Variants in INPP5F observed in about 807,000 individuals in gnomAD.
INPP5F encodes the protein phosphatidylinositide 4-phosphatase SAC2.
INPP5F carries 97 observed loss-of-function variants against 137.2 expected under a neutral mutation model. That is an observed-to-expected ratio of 0.71 (90% CI 0.60 to 0.84). INPP5F has a LOEUF of 0.84. INPP5F is among the 40% of genes least tolerant of loss of function. The pLI, the probability that INPP5F is intolerant of heterozygous loss-of-function variation, is 0.00. For missense variants in INPP5F, 1,271 were observed against 1,371.9 expected (o/e 0.93, Z 1.16); for synonymous variants, 504 against 476.9 (o/e 1.06, Z -0.74).
chr10:119,769,973 AT>A (rs1045959806), intron 2 of INPP5F, among the ~76,000 whole-genome samples: 5 of 150,506 alleles, frequency 3.3e-5, no homozygotes, highest in African/African-American at 7.3e-5. Context: ...CAGGAGAAAA[AT>A]TTTTTTTTCT....
chr10:119,819,806 G>T, intron 15 of INPP5F: 1 of 307,180 alleles, frequency 3.3e-6, no homozygotes, highest in Non-Finnish European at 5.9e-6. Context: ...AGGTGTCTCT[G>T]ATGTAAAAAA....
intron 1 of INPP5F, among the ~76,000 whole-genome samples, chr10:119,738,397 A>T (rs1019638555): frequency 6.6e-6 from 1 of 152,150 alleles, no homozygotes; most frequent in Non-Finnish European, 1.5e-5. Context: ...AAAACAATAC[A>T]TTTGTTGGAT....
rs1035039499 is a variant in INPP5F, at chr10:119,787,582, A to G, written c.316-3935A>G. 6.0e-5 allele frequency among the ~76,000 whole-genome samples: 9 copies of G among 150,798 alleles called. No individual in the cohort carries two copies. The highest frequency in any genetic ancestry group is 2.2e-4 in the African/African-American group (9 of 41,090). ...GACAGAGTGCGACTCTGTCTCAAAGAAGGAAAGAAGGAAGGAAGGAAAGGA... is the reference window on the plus strand; with the variant it reads ...GACAGAGTGCGACTCTGTCTCAAAGGAGGAAAGAAGGAAGGAAGGAAAGGA... On this transcript the variant is annotated intron_variant, in intron 3 of 19. Coordinates refer to ENST00000650623, the MANE Select transcript of INPP5F (RefSeq NM_014937.4). This position sits in a 1 kb window ranked among gnomAD's most constrained non-coding sequence, Gnocchi z 4.1.
At chr10:119,806,593 C>T in intron 12 of INPP5F, 113 bp downstream of exon 12, 1 of 1,001,938 alleles carries the variant, frequency 1.0e-6, no homozygotes, top group Non-Finnish European at 1.4e-6. Flanking sequence ...ACAACATTTA[C>T]AATATACAAA....
intron 1 of INPP5F, among the ~76,000 whole-genome samples, chr10:119,750,246 A>G: frequency 6.6e-6 from 1 of 152,246 alleles, no homozygotes; most frequent in East Asian, 1.9e-4. Flanking sequence ...AATAATGAAA[A>G]TGTAATTTTA....
chr10:119,792,322 C>A, intron 6 of INPP5F, 109 bp downstream of exon 6: 1 of 783,284 alleles, frequency 1.3e-6, no homozygotes, highest in Non-Finnish European at 2.0e-6. Context: ...TATTAAGATA[C>A]ATTTTTAAAG....
chr10:119,825,854 T>C (rs1851736377), intron 19 of INPP5F: 2 of 397,630 alleles, frequency 5.0e-6, no homozygotes, highest in African/African-American at 4.1e-5. Context: ...TTTTCTGCAG[T>C]ATGCTCATGA....
intron 3 of INPP5F, among the ~76,000 whole-genome samples, chr10:119,783,713 T>G (rs1168194525): frequency 1.3e-5 from 2 of 152,202 alleles, no homozygotes; most frequent in East Asian, 3.9e-4. Context: ...TACTTTCCCT[T>G]TTTTCTCTCT....
intron 9 of INPP5F, among the ~76,000 whole-genome samples, chr10:119,800,272 C>G (rs1850534711): frequency 6.6e-6 from 1 of 151,702 alleles, no homozygotes; most frequent in Admixed American, 6.6e-5. Flanking sequence ...TTTAAAAATG[C>G]CTGCTGGGCG....
intron 2 of INPP5F, among the ~76,000 whole-genome samples, chr10:119,754,207 C>T (rs912697831): frequency 8.5e-5 from 13 of 152,280 alleles, no homozygotes; most frequent in Non-Finnish European, 1.8e-4. Flanking sequence ...TAGATCAGAC[C>T]GTGCTCCAGA....
chr10:119,748,041 G>T lies in INPP5F; in HGVS notation c.98-3035G>T, dbSNP rs1336256880. Among the ~76,000 whole-genome samples the T allele has an allele frequency of 2.6e-5, 4 of 152,210 alleles. No homozygotes were observed. The highest frequency in any genetic ancestry group is 2.0e-4 in the Admixed American group (3 of 15,286). ...TTTTTCCACTGTCTTGGCTCGGCAA[G>T]CTGTGCTGGGCTTGCACTACCAGCC... On this transcript the variant is annotated intron_variant, in intron 1 of 19. Coordinates refer to ENST00000650623, the MANE Select transcript of INPP5F (RefSeq NM_014937.4). The surrounding 1 kb of genome is among the most constrained non-coding windows in gnomAD (Gnocchi z 4.7).
chr10:119,759,500 G>T (rs544810510), intron 2 of INPP5F, among the ~76,000 whole-genome samples: 1 of 151,904 alleles, frequency 6.6e-6, no homozygotes, highest in African/African-American at 2.4e-5. Flanking sequence ...AGCGATTCTT[G>T]TGCCTCACCC....
chr10:119,755,155 C>T (rs1848802565), intron 2 of INPP5F, among the ~76,000 whole-genome samples: 1 of 152,214 alleles, frequency 6.6e-6, no homozygotes, highest in Non-Finnish European at 1.5e-5. Flanking sequence ...GTGGAATGAG[C>T]AAGTGCTCGT....
intron 6 of INPP5F, among the ~76,000 whole-genome samples, chr10:119,794,594 G>C (rs368880258): frequency 1.3e-5 from 2 of 151,590 alleles, no homozygotes; most frequent in Admixed American, 1.3e-4. Flanking sequence ...CAGTAGGGGC[G>C]GCCGGGCAAA....
At chr10:119,821,770 G>C (rs1455792287) in intron 16 of INPP5F, among the ~76,000 whole-genome samples, 1 of 151,462 alleles carries the variant, frequency 6.6e-6, no homozygotes, top group Non-Finnish European at 1.5e-5. Context: ...GTGCACACGC[G>C]CGCGCATGTG....
intron 1 of INPP5F, among the ~76,000 whole-genome samples, chr10:119,745,131 A>G (rs1354776932): frequency 3.3e-5 from 5 of 151,932 alleles, no homozygotes; most frequent in South Asian, 2.1e-4. Context: ...TGTATACGCT[A>G]TCCTTTCTGC....
chr10:119,800,406 A>C (rs2134231627), intron 9 of INPP5F, among the ~76,000 whole-genome samples: 1 of 151,626 alleles, frequency 6.6e-6, no homozygotes, highest in South Asian at 2.1e-4. Context: ...AAAAAAAAAA[A>C]AAAATTAACC....
At chr10:119,816,698 G>A (rs1371876181) in intron 15 of INPP5F, 1 of 152,390 alleles carries the variant, frequency 6.6e-6, no homozygotes, top group Non-Finnish European at 1.5e-5. Flanking sequence ...GACAAGAGGT[G>A]GCCCTGGAAG....
chr10:119,809,946 T>C (rs1377923653), intron 13 of INPP5F, among the ~76,000 whole-genome samples, 154 bp from the exon 14 acceptor site: 2 of 152,226 alleles, frequency 1.3e-5, no homozygotes, highest in African/African-American at 4.8e-5. Flanking sequence ...TAGTAGATAT[T>C]TTAATTTAAC....
Sources: allele counts gnomAD v4.1 joint callset (sites outside exome capture counted in the v4.1 genomes callset), GRCh38; gene constraint gnomAD v4.1.1; non-coding constraint Gnocchi (gnomAD v3.1); transcripts MANE v1.5; gene names NCBI Gene and HGNC (gene_info 2026-07-23, HGNC 2026-07-21).